ZNF814: variants seen among roughly 807,000 people sequenced by gnomAD.
ZNF814 encodes zinc finger protein 814.
ZNF814 carries 5 observed loss-of-function variants against 7.5 expected under a neutral mutation model. That is an observed-to-expected ratio of 0.67 (90% CI 0.35 to 1.40). ZNF814 has a LOEUF of 1.40. Ranked by LOEUF, ZNF814 falls within the 40% of genes most tolerant of loss-of-function variation. The pLI is 0.04. For synonymous variants in ZNF814, 315 were observed against 340.7 expected, an observed-to-expected ratio of 0.92 and a Z score of 0.83; for missense variants, 962 against 1,018.0, an observed-to-expected ratio of 0.94 and a Z score of 0.75.
chr19:57,896,060 A>AT, the ZNF814 span, among the ~76,000 whole-genome samples: 2 of 151,504 alleles, frequency 1.3e-5, no homozygotes, highest in Non-Finnish European at 2.9e-5. This position sits in a 1 kb window ranked among gnomAD's most constrained non-coding sequence, Gnocchi z 4.2. Flanking sequence ...TAGCAAAGAA[A>AT]TTTTACGTTT....
Position 57,876,944 on chromosome 19 carries a change from C to A in ZNF814, c.135G>T (p.Leu45=). ...AQRCLYRDVT[L]ENLALISSLG... is the part of the protein sequence containing the mutation. ...GGGAGGATATAAGTGCCAGGTTCTC[C>A]AGCGTCACATCACGGTACAGGCATC... is the stretch of plus-strand genomic sequence containing the variant. The change falls in exon 2 of 3, where the codon CTG becomes CTT. Residue 45 remains leucine, a synonymous_variant. Transcript: ENST00000435989. 1 of 1,614,114 alleles carries A rather than the reference C, an allele frequency of 6.2e-7. No individual in the cohort carries two copies. Among genetic ancestry groups the A allele is most frequent in the Non-Finnish European group, 8.5e-7 (1 of 1,180,004 alleles).
At chr19:57,903,280 C>T in the ZNF814 span, among the ~76,000 whole-genome samples, 2 of 152,192 alleles carry the variant, frequency 1.3e-5, no homozygotes, top group African/African-American at 4.8e-5. Flanking sequence ...TGGCTTTACA[C>T]TCATCTGTGC....
In ZNF814 at chr19:57,872,665, G is replaced by A; in HGVS notation, c.*157C>T. 1 of 1,532,102 alleles carries A rather than the reference G, an allele frequency of 6.5e-7. No individual in the cohort carries two copies. The highest frequency in any genetic ancestry group is 2.3e-5 in the East Asian group (1 of 44,032). 94.9% of individuals were successfully genotyped at this position (1,532,102 alleles called of 1,614,324 possible). On this transcript the variant is annotated 3_prime_UTR_variant, in exon 3 of 3. Transcript: ENST00000435989. ...ACATTCACTGCACTCATAAGGTGGT[G>A]TGACCAGTGTGAACTCTCTTATGAA...
the ZNF814 span, among the ~76,000 whole-genome samples, chr19:57,900,870 C>T: frequency 5.4e-4 from 10 of 18,616 alleles, no homozygotes; most frequent in Non-Finnish European, 7.6e-4. Flanking sequence ...TTTTTTGAGA[C>T]GGAGTCTTGC....
rs2071555196 is a variant in ZNF814 at position 57,871,291 on chromosome 19, A to G, written c.*1531T>C. On this transcript the variant is annotated 3_prime_UTR_variant, in exon 3 of 3. Coordinates refer to ENST00000435989, the MANE Select transcript of ZNF814 (RefSeq NM_001144989.2). Reference sequence around the variant, plus strand: ...ATCCAGCTGACCTATGAACCCACAAATTTTAGTATCCGTGCTACAGATAAA... The same window carrying G: ...ATCCAGCTGACCTATGAACCCACAAGTTTTAGTATCCGTGCTACAGATAAA... 1 of 152,168 alleles carries G rather than the reference A, an allele frequency of 6.6e-6. No individual in the cohort carries two copies. The highest frequency in any genetic ancestry group is 1.5e-5 in the Non-Finnish European group (1 of 68,034). The allele number at this position is 152,168 out of a possible 1,614,324, so 9.4% of individuals were successfully genotyped here. A position where few individuals can be genotyped will look rare whatever the true frequency, so the allele number is the denominator to read the frequency against.
Position 57,872,873 on chromosome 19 carries a change from C to A in ZNF814, c.2517G>T (p.Lys839Asn), listed in dbSNP as rs1186157803. ...KCEKCGKLFN[K>N]KSHLLVHQSS... is the part of the protein sequence containing the mutation. Reference sequence around the variant, plus strand: ...TCTGGTGTACAAGGAGGTGAGACTTCTTGTTAAATAATTTCCCACATTTCT... The same window carrying A: ...TCTGGTGTACAAGGAGGTGAGACTTATTGTTAAATAATTTCCCACATTTCT... Residue 839 changes from lysine to asparagine, a missense_variant, in exon 3 of 3, where the codon AAG becomes AAT. Transcript: ENST00000435989. 13 of 1,612,644 alleles carry A rather than the reference C, an allele frequency of 8.1e-6. No individual in the cohort carries two copies. Among genetic ancestry groups the A allele is most frequent in the Non-Finnish European group, 7.6e-6 (9 of 1,179,482 alleles).
the ZNF814 span, among the ~76,000 whole-genome samples, chr19:57,904,891 A>T: frequency 1.3e-5 from 2 of 151,832 alleles, no homozygotes; most frequent in African/African-American, 4.8e-5. Context: ...TCTCTACTAA[A>T]AATACAAAAT....
intron 1 of ZNF814, among the ~76,000 whole-genome samples, chr19:57,878,545 C>T (rs1397955579): frequency 1.3e-5 from 2 of 151,422 alleles, no homozygotes; most frequent in African/African-American, 2.4e-5. Flanking sequence ...CTGCAACCTC[C>T]GCCTCCTGGG....
At chr19:57,876,479 T>G (rs1420599634) in intron 2 of ZNF814, 20 of 207,862 alleles carry the variant, frequency 9.6e-5, no homozygotes, top group Non-Finnish European at 1.8e-4. Context: ...AGAAAAAAAC[T>G]GAGTATTTCA....
In ZNF814 at chr19:57,873,163, G is replaced by T; in HGVS notation, c.2227C>A (p.Pro743Thr). ...AHQRVHTGER[P>T]YECNDCGKSF... is the part of the protein sequence containing the mutation. ...TTTCCACAATCATTGCATTCATAAG[G>T]CCTTTCTCCAGTGTGAACTCTCTGA... The change falls in exon 3 of 3, where the codon CCT (proline) becomes ACT (threonine). Residue 743 changes from proline (P) to threonine (T), a missense_variant. Transcript: ENST00000435989. 6.2e-7 allele frequency: 1 copy of T among 1,613,668 alleles called. No homozygotes were observed. Among genetic ancestry groups the T allele is most frequent in the Non-Finnish European group, 8.5e-7 (1 of 1,179,888 alleles).
At chr19:57,894,395 A>C in the ZNF814 span, among the ~76,000 whole-genome samples, 5 of 152,004 alleles carry the variant, frequency 3.3e-5, 1 homozygote, top group East Asian at 9.6e-4. Flanking sequence ...GATTTGCCCA[A>C]ATCAAAGAAA....
chr19:57,875,940 C>A (rs569453834), intron 2 of ZNF814, among the ~76,000 whole-genome samples: 18 of 129,730 alleles, frequency 1.4e-4, no homozygotes, highest in African/African-American at 4.7e-4. Context: ...CTCCAGGGTG[C>A]CGCTTTTTTT....
chr19:57,883,906 A>G (rs1172254583), intron 1 of ZNF814, among the ~76,000 whole-genome samples: 3 of 151,898 alleles, frequency 2.0e-5, no homozygotes, highest in Admixed American at 2.0e-4. Flanking sequence ...ACAGGCATGT[A>G]CCACCACACC....
At chr19:57,878,689 T>C in intron 1 of ZNF814, among the ~76,000 whole-genome samples, 1 of 152,060 alleles carries the variant, frequency 6.6e-6, no homozygotes, top group East Asian at 1.9e-4. Context: ...AAACCCCTGA[T>C]GTCAAATGAT....
At chr19:57,897,766 A>G in the ZNF814 span, among the ~76,000 whole-genome samples, 1 of 152,078 alleles carries the variant, frequency 6.6e-6, no homozygotes, top group Non-Finnish European at 1.5e-5. Context: ...TATTGCTTGG[A>G]GGGTCTAGCT....
At chr19:57,883,084 T>A (rs147145502) in intron 1 of ZNF814, among the ~76,000 whole-genome samples, 1 of 151,410 alleles carries the variant, frequency 6.6e-6, no homozygotes, top group African/African-American at 2.4e-5. Flanking sequence ...ACTGGCCGGG[T>A]GTGGTGGCTC....
At position 57,888,861 on chromosome 19, in the gene ZNF814, G is replaced by T. The variant is rs757782817; in HGVS notation, c.-59C>A. On this transcript the variant is annotated 5_prime_UTR_variant, in exon 1 of 3. Coordinates refer to ENST00000435989, the MANE Select transcript of ZNF814 (RefSeq NM_001144989.2). ...TAGGGCGACCAGCCAGGAGATATGG[G>T]CACGACGGTCCGTATCCTGGCCCAG... The T allele has an allele frequency of 7.2e-6, 11 of 1,536,952 alleles. No individual in the cohort carries two copies. The highest frequency in any genetic ancestry group is 9.7e-6 in the Non-Finnish European group (11 of 1,134,034).
At chr19:57,901,834 CTT>C in the ZNF814 span, 1 of 397,838 alleles carries the variant, frequency 2.5e-6, no homozygotes, top group Non-Finnish European at 4.4e-6. Flanking sequence ...ACTTATTGGA[CTT>C]ATGTCCCATT....
chr19:57,889,151 T>C (rs530143271), upstream of ZNF814: 2 of 418,870 alleles, frequency 4.8e-6, no homozygotes, highest in East Asian at 3.4e-5. Context: ...CTGAGTTTTC[T>C]GGGTAATGTA....
Sources: allele counts gnomAD v4.1 joint callset (sites outside exome capture counted in the v4.1 genomes callset), GRCh38; gene constraint gnomAD v4.1.1; non-coding constraint Gnocchi (gnomAD v3.1); transcripts MANE v1.5; gene names NCBI Gene and HGNC (gene_info 2026-07-23, HGNC 2026-07-21).